MTHFD1L: variants seen among roughly 807,000 people sequenced by gnomAD.
MTHFD1L encodes monofunctional C1-tetrahydrofolate synthase, mitochondrial.
MTHFD1L carries 81 observed loss-of-function variants against 119.5 expected under a neutral mutation model. The ratio of observed to expected loss-of-function variants is 0.68; its 90% CI spans 0.57 to 0.82. The LOEUF (loss-of-function observed/expected upper bound fraction) is 0.82, where lower values mean the gene tolerates loss of function less well. MTHFD1L is among the 40% of genes least tolerant of loss of function. The probability of loss-of-function intolerance (pLI) is 0.00; values close to 1 mark genes in which losing one functional copy is unlikely to be tolerated. For synonymous variants in MTHFD1L, 430 were observed against 475.2 expected (o/e 0.90, Z 1.24); for missense variants, 1,125 against 1,253.4 (o/e 0.90, Z 1.55).
intron 24 of MTHFD1L, among the ~76,000 whole-genome samples, chr6:151,019,695 A>G (rs1476683937): frequency 1.3e-5 from 2 of 152,208 alleles, no homozygotes; most frequent in Non-Finnish European, 2.9e-5. Context: ...ATGACAGTTC[A>G]TGAAAAGAGC....
At chr6:151,084,970 G>GAAAA (rs3055594) in intron 26 of MTHFD1L, among the ~76,000 whole-genome samples, 5 of 120,156 alleles carry the variant, frequency 4.2e-5, no homozygotes, top group African/African-American at 1.7e-4. Flanking sequence ...CCATCTCAAA[G>GAAAA]AAAAAAAAAA....
chr6:151,066,121 A>T (rs1241152163), intron 26 of MTHFD1L, among the ~76,000 whole-genome samples: 1 of 152,236 alleles, frequency 6.6e-6, no homozygotes, highest in African/African-American at 2.4e-5. Context: ...TGGGCTTTTA[A>T]AAACAATGTT....
chr6:151,023,997 C>T (rs1173106701), intron 24 of MTHFD1L, among the ~76,000 whole-genome samples: 3 of 151,906 alleles, frequency 2.0e-5, no homozygotes, highest in Admixed American at 6.6e-5. Flanking sequence ...AGGTACCACA[C>T]GTAATGGACC....
intron 24 of MTHFD1L, among the ~76,000 whole-genome samples, chr6:151,032,456 G>A (rs749715807): frequency 2.0e-5 from 3 of 152,132 alleles, no homozygotes; most frequent in Non-Finnish European, 4.4e-5. Flanking sequence ...ACAGTACCAA[G>A]CCATTCATGA....
intron 21 of MTHFD1L, 41 bp downstream of exon 21, chr6:151,009,999 A>G (rs1781999586): frequency 6.5e-7 from 1 of 1,540,306 alleles, no homozygotes; most frequent in Non-Finnish European, 8.7e-7. Context: ...AAGAAATTTC[A>G]TTATGTTAAA....
At chr6:150,973,608 A>G (rs11968431) in intron 20 of MTHFD1L, among the ~76,000 whole-genome samples, 66,986 of 152,076 alleles carry the variant, frequency 0.44, 16,774 homozygotes, top group East Asian at 0.64. Context: ...ATCTCTGCCC[A>G]TACCAGTTCT....
chr6:150,971,422 C>T lies in MTHFD1L; in HGVS notation c.2014-525C>T, dbSNP rs1428226816. On this transcript the variant is annotated intron_variant, in intron 19 of 27. Transcript: ENST00000367321. ...CACTGTTGGCCAGGCCAGTCTTGAACTCCTGACCTCAGGCGATCCGCCCAT... is the reference window on the plus strand; with the variant it reads ...CACTGTTGGCCAGGCCAGTCTTGAATTCCTGACCTCAGGCGATCCGCCCAT... Among the ~76,000 whole-genome samples, 3 of 152,280 alleles carry T rather than the reference C, an allele frequency of 2.0e-5. No individual in the cohort carries two copies. In the South Asian group the frequency reaches 6.2e-4, roughly 32 times the overall value.
intron 7 of MTHFD1L, among the ~76,000 whole-genome samples, chr6:150,888,718 A>G (rs914727962): frequency 1.2e-4 from 18 of 152,334 alleles, no homozygotes; most frequent in Middle Eastern, 3.4e-3. Flanking sequence ...TTTTGTGGAA[A>G]AACTAGGTGG....
At chr6:150,986,160 G>C (rs917083262) in intron 20 of MTHFD1L, among the ~76,000 whole-genome samples, 3 of 152,168 alleles carry the variant, frequency 2.0e-5, no homozygotes, top group African/African-American at 7.2e-5. Context: ...ACAGTCTGTA[G>C]TTTTACACAG....
In MTHFD1L at chr6:150,926,348, T is replaced by G; in HGVS notation, c.1256+53T>G. Reference sequence around the variant, plus strand: ...TCAAGCAGACATATTTACAAAACTCTTCCCTATTTATCTCTCTCCTCGTAC... The same window carrying G: ...TCAAGCAGACATATTTACAAAACTCGTCCCTATTTATCTCTCTCCTCGTAC... On this transcript the variant is annotated intron_variant, in intron 11 of 27. Transcript: ENST00000367321. The surrounding 1 kb of genome is among the most constrained non-coding windows in gnomAD (Gnocchi z 4.3). The G allele has an allele frequency of 3.3e-6, 5 of 1,513,462 alleles. No individual in the cohort carries two copies. The highest frequency in any genetic ancestry group is 1.2e-5 in the South Asian group (1 of 84,212). The allele number at this position is 1,513,462 out of a possible 1,614,324, so 93.8% of individuals were successfully genotyped here.
Position 150,971,939 on chromosome 6 carries a change from T to C in MTHFD1L, c.2014-8T>C. The stretch of plus-strand genomic sequence containing the variant: ...TTGGGATTTTGATTTGCTTTTTCAC[T>C]TCTCTAGGGGACACCTGTGTTCGTG... On this transcript the variant is annotated splice_polypyrimidine_tract_variant and splice_region_variant and intron_variant, in intron 19 of 27. Coordinates refer to ENST00000367321, the MANE Select transcript of MTHFD1L (RefSeq NM_015440.5). 6.2e-7 allele frequency: 1 copy of C among 1,610,102 alleles called. No individual in the cohort carries two copies. Among genetic ancestry groups the C allele is most frequent in the South Asian group, 1.1e-5 (1 of 89,532 alleles).
intron 7 of MTHFD1L, among the ~76,000 whole-genome samples, chr6:150,903,203 A>ATTCTTTTTTTTTTTTTTTT (rs1562348409): frequency 4.7e-5 from 4 of 85,474 alleles, no homozygotes; most frequent in African/African-American, 2.0e-4. Flanking sequence ...TGGCTGCAAA[A>ATTCTTTTTTTTTTTTTTTT]TTTTTTTTTT....
intron 26 of MTHFD1L, among the ~76,000 whole-genome samples, chr6:151,091,245 TTCCATGC>T (rs1562652281): frequency 2.2e-4 from 8 of 36,224 alleles, no homozygotes; most frequent in Middle Eastern, 0.016. Context: ...TGCAGCATCG[TTCCATGC>T]GACTGGGTGC....
chr6:150,869,960 G>A (rs1479684939), intron 1 of MTHFD1L, among the ~76,000 whole-genome samples: 7 of 151,228 alleles, frequency 4.6e-5, no homozygotes, highest in Admixed American at 1.3e-4. Context: ...AGTAGAGACG[G>A]GGTTTCACCA....
Position 150,918,575 on chromosome 6 carries a change from A to C in MTHFD1L, c.893-2A>C. 1 of 1,611,066 alleles carries C rather than the reference A, an allele frequency of 6.2e-7. No individual in the cohort carries two copies. Among genetic ancestry groups the C allele is most frequent in the Non-Finnish European group, 8.5e-7 (1 of 1,177,514 alleles). On this transcript the variant is annotated splice_acceptor_variant, in intron 8 of 27. Coordinates refer to ENST00000367321, the MANE Select transcript of MTHFD1L (RefSeq NM_015440.5). LOFTEE classifies it high-confidence loss of function. ...CTTTTTTTTCCCTCCAATTTTTTAC[A>C]GGGAAGGTTGGGTGTGGCTCTCCAA...
At chr6:150,908,778 T>C (rs1202701574) in intron 8 of MTHFD1L, among the ~76,000 whole-genome samples, 1 of 152,162 alleles carries the variant, frequency 6.6e-6, no homozygotes, top group Non-Finnish European at 1.5e-5. Context: ...GTTTTAATTT[T>C]AGCAACTTTG....
At chr6:151,046,469 GTGTATATATATATATATA>G (rs1336431781) in intron 26 of MTHFD1L, among the ~76,000 whole-genome samples, 3,632 of 116,820 alleles carry the variant, frequency 0.031, 95 homozygotes, top group Middle Eastern at 0.043. Context: ...ATATGTGTGT[GTGTATATATATATATATA>G]TATATATATA....
At chr6:150,907,781 T>C (rs1359833772) in intron 8 of MTHFD1L, among the ~76,000 whole-genome samples, 1 of 152,228 alleles carries the variant, frequency 6.6e-6, no homozygotes, top group Non-Finnish European at 1.5e-5. Context: ...TTCAAAATGA[T>C]TCTATAAGTA....
intron 26 of MTHFD1L, among the ~76,000 whole-genome samples, chr6:151,062,392 C>T (rs1426664458): frequency 3.9e-5 from 6 of 152,004 alleles, no homozygotes; most frequent in South Asian, 2.1e-4. Flanking sequence ...GAGCCAAGAT[C>T]GCGCCACTGC....
Sources: gnomAD v4.1 joint callset for allele counts (sites outside exome capture counted in the v4.1 genomes callset) on GRCh38, gnomAD v4.1.1 for gene constraint, Gnocchi (gnomAD v3.1) non-coding constraint, MANE v1.5 for transcripts, NCBI Gene and HGNC (gene_info 2026-07-23, HGNC 2026-07-21) for gene names.